The following PCDH15 variants were observed in gnomAD, a reference collection of about 807,000 sequenced individuals.
PCDH15 encodes protocadherin-15.
In PCDH15, 129 loss-of-function variants were observed where a neutral mutation model predicts 178.5. The ratio of observed to expected loss-of-function variants is 0.72; its 90% CI spans 0.63 to 0.84. The LOEUF (loss-of-function observed/expected upper bound fraction) is 0.84, where lower values mean the gene tolerates loss of function less well. PCDH15 is among the 40% of genes least tolerant of loss of function. PCDH15 has a pLI of 0.00. For missense variants in PCDH15, 2,230 were observed against 2,099.9 expected, an observed-to-expected ratio of 1.06 and a Z score of -1.21; for synonymous variants, 800 against 732.0, an observed-to-expected ratio of 1.09 and a Z score of -1.50.
chr10:55,260,808 T>C (rs1842130335), intron 1 of PCDH15, among the ~76,000 whole-genome samples: 1 of 152,224 alleles, frequency 6.6e-6, no homozygotes, highest in Admixed American at 6.5e-5. Flanking sequence ...AAATCTTTCT[T>C]TAAGTATTAT....
At chr10:54,829,330 GCTA>G (rs1402709415) in intron 3 of PCDH15, among the ~76,000 whole-genome samples, 5 of 151,616 alleles carry the variant, frequency 3.3e-5, no homozygotes, top group African/African-American at 7.2e-5. Flanking sequence ...AACCAATGCT[GCTA>G]CTACTACTAC....
At chr10:54,877,410 A>G (rs1954165720) in intron 3 of PCDH15, among the ~76,000 whole-genome samples, 1 of 152,154 alleles carries the variant, frequency 6.6e-6, no homozygotes, top group Admixed American at 6.6e-5. Flanking sequence ...TTCACAATAC[A>G]AATGAAAAAT....
intron 4 of PCDH15, among the ~76,000 whole-genome samples, chr10:54,369,874 T>C (rs1281995892): frequency 2.0e-5 from 3 of 152,010 alleles, no homozygotes; most frequent in African/African-American, 7.2e-5. Flanking sequence ...CCCATGTTTA[T>C]AAATATAGAT....
chr10:55,188,014 G>T lies in PCDH15; in HGVS notation c.-155-21363C>A, dbSNP rs116788744. ...ATGGTCCAGGCAGTAGGTGGGAATG[G>T]CTAGGTCTAGGGTGGTAGTTTTGGA... is the stretch of plus-strand genomic sequence containing the variant. On this transcript the variant is annotated intron_variant, in intron 1 of 5. Coordinates refer to the PCDH15 transcript ENST00000458638. Among the ~76,000 whole-genome samples the T allele has an allele frequency of 2.9e-3, 445 of 152,056 alleles. 1 individual carries two copies. Among genetic ancestry groups the T allele is most frequent in the Middle Eastern group, 0.01 (3 of 294 alleles).
chr10:54,284,161 T>A (rs912540339), intron 8 of PCDH15, among the ~76,000 whole-genome samples: 2 of 152,162 alleles, frequency 1.3e-5, no homozygotes, highest in Non-Finnish European at 2.9e-5. Context: ...ATAAATTATA[T>A]TTAACAAAAT....
chr10:54,218,979 C>T (rs908133628), intron 9 of PCDH15, among the ~76,000 whole-genome samples: 86 of 151,002 alleles, frequency 5.7e-4, no homozygotes, highest in African/African-American at 1.7e-3. Context: ...TAGGGCTGGG[C>T]GCAGTGGCTC....
At chr10:54,753,865 T>TG (rs200608460) in intron 1 of PCDH15, among the ~76,000 whole-genome samples, 3,222 of 95,790 alleles carry the variant, frequency 0.034, 104 homozygotes, top group African/African-American at 0.096. Context: ...TATTGTTTTT[T>TG]TTTTGTTGTT....
chr10:55,382,641 T>C (rs1042535146), intron 2 of PCDH15, among the ~76,000 whole-genome samples: 2 of 152,184 alleles, frequency 1.3e-5, no homozygotes, highest in African/African-American at 4.8e-5. Context: ...ATATGTGTTG[T>C]TTAGGCTCTT....
At chr10:55,424,649 G>A (rs1473933091) in intron 2 of PCDH15, among the ~76,000 whole-genome samples, 1 of 152,040 alleles carries the variant, frequency 6.6e-6, no homozygotes, top group Non-Finnish European at 1.5e-5. Context: ...ATGCCTGTGG[G>A]TTGTACTAGT....
chr10:53,912,419 A>G (rs1206562929), intron 25 of PCDH15, among the ~76,000 whole-genome samples: 1 of 152,212 alleles, frequency 6.6e-6, no homozygotes, highest in African/African-American at 2.4e-5. Flanking sequence ...CTCCTATTCA[A>G]CATAGTGTTG....
intron 1 of PCDH15, among the ~76,000 whole-genome samples, chr10:55,208,250 T>C (rs1478801178): frequency 6.6e-6 from 1 of 152,110 alleles, no homozygotes; most frequent in Non-Finnish European, 1.5e-5. Flanking sequence ...TGGAGATATT[T>C]CCATACAAGT....
chr10:54,280,930 T>G (rs1045334214), intron 8 of PCDH15, among the ~76,000 whole-genome samples: 2 of 151,866 alleles, frequency 1.3e-5, no homozygotes, highest in African/African-American at 4.8e-5. Context: ...TTTATATAAT[T>G]TTTTAATTTA....
intron 1 of PCDH15, among the ~76,000 whole-genome samples, chr10:54,797,203 C>T (rs1952123043): frequency 1.3e-5 from 2 of 152,008 alleles, no homozygotes; most frequent in South Asian, 2.1e-4. Context: ...AATGCTTACA[C>T]TCTAAAAGCC....
At chr10:55,364,037 T>A (rs534186921) in intron 2 of PCDH15, among the ~76,000 whole-genome samples, 1 of 152,164 alleles carries the variant, frequency 6.6e-6, no homozygotes, top group East Asian at 1.9e-4. Flanking sequence ...ATGGGGGTGG[T>A]TTCCCCCATG....
At chr10:53,912,028 AT>A (rs2083134808) in intron 25 of PCDH15, among the ~76,000 whole-genome samples, 1 of 152,212 alleles carries the variant, frequency 6.6e-6, no homozygotes, top group African/African-American at 2.4e-5. Flanking sequence ...CCTGATGAAC[AT>A]CGATGTGAAA....
chr10:55,301,445 TG>T (rs943947337), intron 1 of PCDH15, among the ~76,000 whole-genome samples: 5 of 151,910 alleles, frequency 3.3e-5, no homozygotes, highest in Non-Finnish European at 7.4e-5. Flanking sequence ...ATTTTCTAAT[TG>T]TTTTTTTTTT....
At chr10:55,354,946 T>G (rs983256737) in intron 2 of PCDH15, among the ~76,000 whole-genome samples, 15 of 152,052 alleles carry the variant, frequency 9.9e-5, no homozygotes, top group African/African-American at 3.6e-4. Flanking sequence ...CACTGGGATA[T>G]TCTCCCTCCC....
intron 1 of PCDH15, among the ~76,000 whole-genome samples, chr10:55,206,872 T>C (rs1274994304): frequency 1.3e-5 from 2 of 152,018 alleles, no homozygotes; most frequent in Non-Finnish European, 2.9e-5. Flanking sequence ...TAAAAGTAGA[T>C]AGATATGATG....
chr10:55,459,778 A>G (rs1175887766), intron 2 of PCDH15, among the ~76,000 whole-genome samples: 1 of 152,132 alleles, frequency 6.6e-6, no homozygotes. Flanking sequence ...TGGTGAGTTT[A>G]AGAAATCTGG....
Sources: allele counts gnomAD v4.1 joint callset (sites outside exome capture counted in the v4.1 genomes callset), GRCh38; gene constraint gnomAD v4.1.1; transcripts MANE v1.5; gene names NCBI Gene and HGNC (gene_info 2026-07-23, HGNC 2026-07-21).